Variants in VPS35L observed in about 807,000 individuals in gnomAD.
VPS35L encodes the protein VPS35 endosomal protein-sorting factor-like.
A neutral mutation model predicts 133.0 loss-of-function variants in VPS35L; 83 were observed. The ratio of observed to expected loss-of-function variants is 0.62; its 90% CI spans 0.52 to 0.75. VPS35L has a LOEUF of 0.75. VPS35L is among the 30% of genes least tolerant of loss of function. The pLI, the probability that VPS35L is intolerant of heterozygous loss-of-function variation, is 0.00. For synonymous variants in VPS35L, 423 were observed against 449.9 expected (o/e 0.94, Z 0.76); for missense variants, 1,083 against 1,206.8 (o/e 0.90, Z 1.52).
rs757025573 is a variant in VPS35L, at chr16:19,669,247, C to T, written c.2309C>T (p.Ser770Leu). Residue 770 changes from serine (S) to leucine (L), a missense_variant, in exon 27 of 31, where the codon TCG (serine) becomes TTG (leucine). Physicochemically the swap from Ser to Leu is moderately radical, Grantham distance 145 (BLOSUM62 -2). Transcript: ENST00000417362. Reference protein sequence around the residue: ...NIDGKMRPSESFLLEFLCNFF... With the variant: ...NIDGKMRPSELFLLEFLCNFF... ...GATGGGAAGATGCGGCCATCGGAATCGTTCCTTCTGGAATTCCTCTGCAAT... is the reference window on the plus strand; with the variant it reads ...GATGGGAAGATGCGGCCATCGGAATTGTTCCTTCTGGAATTCCTCTGCAAT... 1.1e-5 allele frequency: 17 copies of T among 1,613,004 alleles called. No individual in the cohort carries two copies. Among genetic ancestry groups the T allele is most frequent in the South Asian group, 2.2e-5 (2 of 90,976 alleles).
At chr16:19,627,217 A>C (rs964353169) in intron 15 of VPS35L, among the ~76,000 whole-genome samples, 1 of 151,236 alleles carries the variant, frequency 6.6e-6, no homozygotes, top group African/African-American at 2.4e-5. Flanking sequence ...CGGGAGGTGG[A>C]GGTTGCAGTG....
At chr16:19,653,466 A>C (rs1974199546) in intron 26 of VPS35L, among the ~76,000 whole-genome samples, 1 of 152,210 alleles carries the variant, frequency 6.6e-6, no homozygotes, top group Admixed American at 6.5e-5. Context: ...CCAGGTGAGT[A>C]AACTGAGGGA....
intron 14 of VPS35L, among the ~76,000 whole-genome samples, chr16:19,620,977 A>T (rs1973061556): frequency 6.6e-6 from 1 of 152,134 alleles, no homozygotes; most frequent in South Asian, 2.1e-4. Context: ...AAAAAAATAA[A>T]TAATTAAAAA....
chr16:19,605,899 T>G (rs1379650388), intron 9 of VPS35L, among the ~76,000 whole-genome samples: 2 of 152,212 alleles, frequency 1.3e-5, no homozygotes, highest in Non-Finnish European at 2.9e-5. Context: ...GGATCTACCT[T>G]GTGCACTGTT....
intron 14 of VPS35L, among the ~76,000 whole-genome samples, chr16:19,621,462 A>G (rs1973078920): frequency 6.6e-6 from 1 of 152,256 alleles, no homozygotes; most frequent in South Asian, 2.1e-4. Flanking sequence ...GCCAACAGCA[A>G]CAATAACAAA....
chr16:19,612,907 G>A (rs1392736406), intron 12 of VPS35L, among the ~76,000 whole-genome samples: 1 of 152,214 alleles, frequency 6.6e-6, no homozygotes, highest in Non-Finnish European at 1.5e-5. Flanking sequence ...CACAAGATTG[G>A]TAGTAGAGTG....
rs954666175 is a variant in VPS35L at position 19,699,970 on chromosome 16, A to G, written c.2793+322A>G. Among the ~76,000 whole-genome samples the G allele has an allele frequency of 5.3e-5, 8 of 152,094 alleles. No homozygotes were observed. Among genetic ancestry groups the G allele is most frequent in the Non-Finnish European group, 1.2e-4 (8 of 68,026 alleles). On this transcript the variant is annotated intron_variant, in intron 30 of 30. Coordinates refer to ENST00000417362, the MANE Select transcript of VPS35L (RefSeq NM_020314.7). The surrounding 1 kb of genome is among the most constrained non-coding windows in gnomAD (Gnocchi z 4.2). ...AAATTAGCCGGCCATGGTGGTGCAC[A>G]TGTGTAGTCCCAGCTACTCGGGAGG...
chr16:19,610,553 C>G, intron 12 of VPS35L, 138 bp downstream of exon 12: 1 of 545,232 alleles, frequency 1.8e-6, no homozygotes. Flanking sequence ...TAGATCATGG[C>G]TCTGCCACAG....
chr16:19,656,338 TAAAAG>T (rs1381156915), intron 26 of VPS35L, among the ~76,000 whole-genome samples: 1 of 139,540 alleles, frequency 7.2e-6, no homozygotes. Context: ...AGGTGGGTCT[TAAAAG>T]AAGAACATGT....
At chr16:19,601,043 C>T (rs977754603) in intron 8 of VPS35L, among the ~76,000 whole-genome samples, 3 of 152,176 alleles carry the variant, frequency 2.0e-5, no homozygotes, top group Non-Finnish European at 2.9e-5. Context: ...ATCCTCCCAC[C>T]TCAGCCTCCC....
At chr16:19,672,390 A>G (rs1974907057) in intron 27 of VPS35L, among the ~76,000 whole-genome samples, 1 of 152,194 alleles carries the variant, frequency 6.6e-6, no homozygotes, top group Non-Finnish European at 1.5e-5. Flanking sequence ...TGGGGTGATG[A>G]TATGTTCCAA....
intron 1 of VPS35L, among the ~76,000 whole-genome samples, chr16:19,557,765 G>A (rs1970907706): frequency 6.6e-6 from 1 of 151,906 alleles, no homozygotes; most frequent in Non-Finnish European, 1.5e-5. Flanking sequence ...AAGTTAAAAG[G>A]ACTGGCTGGG....
chr16:19,619,179 C>T (rs1311335513), intron 14 of VPS35L, among the ~76,000 whole-genome samples: 2 of 152,090 alleles, frequency 1.3e-5, no homozygotes, highest in East Asian at 1.9e-4. Context: ...GTGATCCTCC[C>T]GCCTCGGCTT....
intron 21 of VPS35L, 27 bp from the exon 22 acceptor site, chr16:19,642,369 T>G (rs1421032338): frequency 1.2e-6 from 2 of 1,603,408 alleles, no homozygotes; most frequent in Non-Finnish European, 1.7e-6. Flanking sequence ...GACAAAACTT[T>G]GACTTTTATC....
At chr16:19,672,439 C>T (rs1227448813) in intron 27 of VPS35L, among the ~76,000 whole-genome samples, 2 of 152,222 alleles carry the variant, frequency 1.3e-5, no homozygotes, top group Non-Finnish European at 2.9e-5. Flanking sequence ...CTGTGAATAT[C>T]CTGACAATCA....
At chr16:19,622,896 A>G (rs1335601276) in intron 14 of VPS35L, among the ~76,000 whole-genome samples, 1 of 152,190 alleles carries the variant, frequency 6.6e-6, no homozygotes, top group East Asian at 1.9e-4. Context: ...GCCTCCACAT[A>G]TAATTCCATG....
At chr16:19,564,052 G>A (rs1971107154) in intron 1 of VPS35L, among the ~76,000 whole-genome samples, 1 of 152,132 alleles carries the variant, frequency 6.6e-6, no homozygotes, top group South Asian at 2.1e-4. Flanking sequence ...AACAAGTCCA[G>A]TATGCTGGCA....
chr16:19,691,802 C>T (rs762989604), intron 29 of VPS35L, among the ~76,000 whole-genome samples: 2 of 141,460 alleles, frequency 1.4e-5, no homozygotes, highest in African/African-American at 6.1e-5. Context: ...GTTCAGTCAC[C>T]GTCTGAAATG....
At chr16:19,604,774 T>G (rs1439600102) in intron 9 of VPS35L, among the ~76,000 whole-genome samples, 1 of 152,244 alleles carries the variant, frequency 6.6e-6, no homozygotes, top group Non-Finnish European at 1.5e-5. Context: ...AATTTCATAC[T>G]TGAGCCCTTT....
Sources: gnomAD v4.1 joint callset for allele counts (sites outside exome capture counted in the v4.1 genomes callset) on GRCh38, gnomAD v4.1.1 for gene constraint, Gnocchi (gnomAD v3.1) non-coding constraint, MANE v1.5 for transcripts, NCBI Gene and HGNC (gene_info 2026-07-23, HGNC 2026-07-21) for gene names.